Variants in SGK2 observed in about 807,000 individuals in gnomAD.
The protein encoded by SGK2 is serine/threonine-protein kinase Sgk2.
A neutral mutation model predicts 47.5 loss-of-function variants in SGK2; 36 were observed. The ratio of observed to expected loss-of-function variants is 0.76; its 90% CI spans 0.58 to 1.00. The LOEUF is 1.00. SGK2 is among the 50% of genes least tolerant of loss of function. The pLI, the probability that SGK2 is intolerant of heterozygous loss-of-function variation, is 0.00. For missense variants in SGK2, 404 were observed against 467.4 expected, an observed-to-expected ratio of 0.86 and a Z score of 1.25; for synonymous variants, 157 against 181.9, an observed-to-expected ratio of 0.86 and a Z score of 1.10.
At chr20:43,581,301 A>T (rs1475163141) in intron 12 of SGK2, among the ~76,000 whole-genome samples, 1 of 152,134 alleles carries the variant, frequency 6.6e-6, no homozygotes, top group African/African-American at 2.4e-5. Context: ...TCCTCATGTC[A>T]TAAAAAATTT....
At chr20:43,571,874 T>C (rs1223544097) in intron 8 of SGK2, among the ~76,000 whole-genome samples, 177 bp from the exon 9 acceptor site, 1 of 152,190 alleles carries the variant, frequency 6.6e-6, no homozygotes, top group Non-Finnish European at 1.5e-5. Context: ...CGGCCCCCTG[T>C]GCTGCTCCTG....
intron 11 of SGK2, among the ~76,000 whole-genome samples, chr20:43,579,005 C>T (rs1894666): frequency 0.84 from 126,569 of 150,266 alleles, 53,416 homozygotes; most frequent in Middle Eastern, 0.91. Context: ...GGCATTCTTT[C>T]GGAGGCTTTT....
chr20:43,574,799 C>G, intron 9 of SGK2, 110 bp from the exon 10 acceptor site: 2 of 693,180 alleles, frequency 2.9e-6, no homozygotes, highest in South Asian at 3.2e-5. Flanking sequence ...CCACAGAGCA[C>G]ACGTACAGCA....
intron 1 of SGK2, among the ~76,000 whole-genome samples, chr20:43,561,015 G>A (rs935395291): frequency 6.6e-6 from 1 of 152,222 alleles, no homozygotes; most frequent in African/African-American, 2.4e-5. Flanking sequence ...ACTGGTATCA[G>A]AGTGACTAAC....
chr20:43,567,749 C>G, intron 4 of SGK2, 27 bp downstream of exon 4: 1 of 1,609,166 alleles, frequency 6.2e-7, no homozygotes, highest in Non-Finnish European at 8.5e-7. Context: ...GGGTGGGAAG[C>G]CTGGGTCTTC....
chr20:43,562,322 G>A (rs985705825), intron 1 of SGK2, among the ~76,000 whole-genome samples: 7 of 150,758 alleles, frequency 4.6e-5, no homozygotes, highest in African/African-American at 7.3e-5. Context: ...GGAGGCTGAG[G>A]TGGGAGAATA....
chr20:43,580,152 G>A (rs1174277762), intron 12 of SGK2, 91 bp downstream of exon 12: 1 of 773,670 alleles, frequency 1.3e-6, no homozygotes, highest in Non-Finnish European at 2.1e-6. Context: ...TGGAAAACTT[G>A]GGGGTCCAAG....
chr20:43,565,789 CCTGGCCACATAGATCAG>C (rs1979665997), intron 1 of SGK2: 1 of 152,456 alleles, frequency 6.6e-6, no homozygotes, highest in Admixed American at 6.5e-5. Flanking sequence ...AGACACTATT[CCTGGCCACATAGATCAG>C]CTGGTCACAC....
chr20:43,569,756 T>C (rs778273413), intron 6 of SGK2: 20 of 488,554 alleles, frequency 4.1e-5, no homozygotes, highest in Non-Finnish European at 6.4e-5. Context: ...TAATGCTTTC[T>C]TGCCTTCCTC....
rs59789900 is a variant in SGK2 at position 43,584,434 on chromosome 20, C to T, written c.940-418C>T. Among the ~76,000 whole-genome samples, 1,092 of 152,276 alleles carry T rather than the reference C, an allele frequency of 7.2e-3. 14 individuals are homozygous for T. Among genetic ancestry groups the T allele is most frequent in the African/African-American group, 0.025 (1,032 of 41,548 alleles). On this transcript the variant is annotated intron_variant, in intron 12 of 12. Transcript: ENST00000373100. ...TAGCTAAAGCAGCCCCAGTCAATCT[C>T]CACCATATCACCCTATTTTCTCTTC...
intron 1 of SGK2, among the ~76,000 whole-genome samples, chr20:43,564,214 G>A (rs989953839): frequency 6.6e-6 from 1 of 152,252 alleles, no homozygotes; most frequent in African/African-American, 2.4e-5. Flanking sequence ...GAGAGTCGTG[G>A]GCCAACCAGG....
intron 11 of SGK2, among the ~76,000 whole-genome samples, chr20:43,578,704 A>G (rs557360567): frequency 3.3e-5 from 5 of 152,314 alleles, no homozygotes; most frequent in African/African-American, 1.2e-4. Context: ...CTGGCACACA[A>G]TAAGTGCTTT....
intron 12 of SGK2, among the ~76,000 whole-genome samples, chr20:43,580,434 A>G (rs1980720603): frequency 2.0e-5 from 3 of 152,324 alleles, no homozygotes; most frequent in Non-Finnish European, 2.9e-5. Context: ...TATAAAAAGT[A>G]TGTAAAACAC....
intron 1 of SGK2, among the ~76,000 whole-genome samples, chr20:43,560,571 C>T (rs6030960): frequency 0.03 from 4,542 of 151,692 alleles, 210 homozygotes; most frequent in African/African-American, 0.1. Context: ...ACCCTGCAGT[C>T]TTTTTTTGGC....
intron 1 of SGK2, among the ~76,000 whole-genome samples, chr20:43,563,945 C>T (rs1979530164): frequency 6.6e-6 from 1 of 152,226 alleles, no homozygotes; most frequent in Admixed American, 6.5e-5. Context: ...CCCTGAGGCC[C>T]CTGGGCTCAG....
intron 12 of SGK2, among the ~76,000 whole-genome samples, chr20:43,581,392 C>T (rs1008862111): frequency 3.3e-5 from 5 of 152,088 alleles, no homozygotes; most frequent in African/African-American, 1.2e-4. Flanking sequence ...TTCCTAATGG[C>T]AATCTTATGG....
Position 43,571,064 on chromosome 20 carries a change from G to GGTGTGTGT in SGK2, c.510+35_510+42dup, listed in dbSNP as rs11467250. 1,700 of 1,565,764 alleles carry GGTGTGTGT rather than the reference G, an allele frequency of 1.1e-3. 17 individuals carry two copies. The African/African-American group carries it at 0.02, about 18-fold the overall frequency. ...GAACATTCTCTTGGACTGCCAGGTT[G>GGTGTGTGT]GTGTGTGTGTGTGTGTGTGTGTGTG... On this transcript the variant is annotated splice_donor_region_variant and intron_variant, in intron 8 of 12. Transcript: ENST00000373100.
Position 43,566,504 on chromosome 20 carries a change from T to C in SGK2, c.9T>C (p.Ser3=), listed in dbSNP as rs745423090. Residue 3 remains serine, a synonymous_variant, in exon 2 of 13, where the codon TCT becomes TCC. Coordinates refer to ENST00000373100, the MANE Select transcript of SGK2 (RefSeq NM_170693.3). MN[S]SPAGTPSPQP... is the part of the protein sequence containing the mutation. ...CTGATCATTGCTACAGAATGAACTCTAGCCCAGCTGGGACCCCAAGTCCAC... is the reference window on the plus strand; with the variant it reads ...CTGATCATTGCTACAGAATGAACTCCAGCCCAGCTGGGACCCCAAGTCCAC... 35 of 1,613,642 alleles carry C rather than the reference T, an allele frequency of 2.2e-5. No individual in the cohort carries two copies. The Admixed American group carries it at 5.5e-4, about 25-fold the overall frequency.
At chr20:43,566,217 C>T in intron 1 of SGK2, 1 of 918,808 alleles carries the variant, frequency 1.1e-6, no homozygotes, top group Non-Finnish European at 1.7e-6. Context: ...TGAAAAGAAT[C>T]AGCCTGGGAG....
Sources: allele counts gnomAD v4.1 joint callset (sites outside exome capture counted in the v4.1 genomes callset), GRCh38; gene constraint gnomAD v4.1.1; transcripts MANE v1.5; gene names NCBI Gene and HGNC (gene_info 2026-07-23, HGNC 2026-07-21).